The following PTPMT1 variants were observed in gnomAD, a reference collection of about 807,000 sequenced individuals.
PTPMT1 encodes phosphatidylglycerophosphatase and protein-tyrosine phosphatase 1.
PTPMT1 carries 12 observed loss-of-function variants against 17.8 expected under a neutral mutation model. That is an observed-to-expected ratio of 0.67 (90% CI 0.43 to 1.09). The LOEUF (loss-of-function observed/expected upper bound fraction) is 1.09. PTPMT1 is among the 50% of genes least tolerant of loss of function. PTPMT1 has a pLI of 0.00. For missense variants in PTPMT1, 262 were observed against 266.0 expected, an observed-to-expected ratio of 0.99 and a Z score of 0.10; for synonymous variants, 132 against 116.8, an observed-to-expected ratio of 1.13 and a Z score of -0.84.
At chr11:47,566,850 T>C (rs1345787017) in intron 2 of PTPMT1, among the ~76,000 whole-genome samples, 1 of 152,176 alleles carries the variant, frequency 6.6e-6, no homozygotes, top group African/African-American at 2.4e-5. Context: ...ACTCCAAAGT[T>C]CTCTCATAAC....
In PTPMT1 at chr11:47,569,821, A is replaced by G; in HGVS notation, c.377A>G (p.Gln126Arg). ...GCTCTCAAGTACCAGTCGCTGGGCC[A>G]GTGTGTTTACGTGCATTGTAAGGCT... Reference protein sequence around the residue: ...QFALKYQSLGQCVYVHCKAGR... With the variant: ...QFALKYQSLGRCVYVHCKAGR... Residue 126 changes from glutamine (Q) to arginine (R), a missense_variant, in exon 3 of 4, where the codon CAG becomes CGG. Transcript: ENST00000326674. 1 of 1,614,126 alleles carries G rather than the reference A, an allele frequency of 6.2e-7. No homozygotes were observed.
At chr11:47,571,104 C>A (rs1023099863) in intron 3 of PTPMT1, among the ~76,000 whole-genome samples, 6 of 152,270 alleles carry the variant, frequency 3.9e-5, no homozygotes, top group African/African-American at 1.4e-4. Context: ...ATTGCATACT[C>A]GTTCCTAGAA....
chr11:47,573,151 G>T lies in PTPMT1; in HGVS notation c.*1522G>T. ...AGCCGGGTGAAGCTGTCTAGCAAGG[G>T]ATTGTAGCACACCAGGGAGTCCCCT... On this transcript the variant is annotated 3_prime_UTR_variant, in exon 4 of 4. Coordinates refer to ENST00000326674, the MANE Select transcript of PTPMT1 (RefSeq NM_175732.3). This position sits in a 1 kb window ranked among gnomAD's most constrained non-coding sequence, Gnocchi z 4.1. 2.5e-6 allele frequency: 4 copies of T among 1,614,192 alleles called. No homozygotes were observed. The highest frequency in any genetic ancestry group is 3.4e-6 in the Non-Finnish European group (4 of 1,180,032).
rs200800213 is a variant in PTPMT1, at chr11:47,569,721, G to A, written c.277G>A (p.Glu93Lys). The A allele has an allele frequency of 4.6e-5, 74 of 1,612,352 alleles. No homozygotes were observed. The highest frequency in any genetic ancestry group is 1.6e-4 in the Middle Eastern group (1 of 6,062). The change falls in exon 3 of 4, where the codon GAG (glutamate) becomes AAG (lysine). Residue 93 changes from glutamate (E) to lysine (K), a missense_variant. Glu to Lys is a moderately conservative substitution (Grantham distance 56). Transcript: ENST00000326674. ...CCAGGAGTGGAAGAGACTAGGAGTC[G>A]AGCAGCTGCGGCTCAGCACAGTAGA... The part of the protein sequence containing the change: ...SSQEWKRLGV[E>K]QLRLSTVDMT...
chr11:47,565,822 C>T, intron 1 of PTPMT1, 26 bp downstream of exon 1: 7 of 1,589,916 alleles, frequency 4.4e-6, no homozygotes, highest in Non-Finnish European at 5.1e-6. Context: ...GAGCCCGGGC[C>T]CCTGCCCCGT....
intron 2 of PTPMT1, 64 bp from the exon 3 acceptor site, chr11:47,569,636 C>T (rs954763197): frequency 3.6e-5 from 49 of 1,368,394 alleles, no homozygotes; most frequent in Non-Finnish European, 4.5e-5. Flanking sequence ...TTGGGAGCCC[C>T]TTATCATCCC....
At chr11:47,567,126 G>A (rs1054055215) in intron 2 of PTPMT1, among the ~76,000 whole-genome samples, 1 of 152,272 alleles carries the variant, frequency 6.6e-6, no homozygotes, top group Middle Eastern at 3.4e-3. Flanking sequence ...TTGGCCAGGC[G>A]TGGTGGCTCT....
At position 47,573,043 on chromosome 11, in the gene PTPMT1, G is replaced by A. The variant is rs758265819; in HGVS notation, c.*1414G>A. The A allele has an allele frequency of 1.5e-5, 25 of 1,614,018 alleles. No individual in the cohort carries two copies. Among genetic ancestry groups the A allele is most frequent in the Non-Finnish European group, 2.1e-5 (25 of 1,180,022 alleles). Reference sequence around the variant, plus strand: ...GTGTTGGCATCCCCCTTTTTATATCGGTCCCGGAAGACATAGATGCTCCCG... The same window carrying A: ...GTGTTGGCATCCCCCTTTTTATATCAGTCCCGGAAGACATAGATGCTCCCG... On this transcript the variant is annotated 3_prime_UTR_variant, in exon 4 of 4. Coordinates refer to ENST00000326674, the MANE Select transcript of PTPMT1 (RefSeq NM_175732.3). This position sits in a 1 kb window ranked among gnomAD's most constrained non-coding sequence, Gnocchi z 4.1.
intron 3 of PTPMT1, 44 bp downstream of exon 3, chr11:47,569,935 TG>T (rs773113304): frequency 6.6e-7 from 1 of 1,514,932 alleles, no homozygotes; most frequent in Admixed American, 1.7e-5. Context: ...TACACACTTA[TG>T]ATCCCAGCAC....
In PTPMT1 at chr11:47,573,317, C is replaced by T. The variant is rs1395843913; in HGVS notation, c.*1688C>T. 1.9e-6 allele frequency: 3 copies of T among 1,614,166 alleles called. No homozygotes were observed. Among genetic ancestry groups the T allele is most frequent in the South Asian group, 1.1e-5 (1 of 91,082 alleles). On this transcript the variant is annotated 3_prime_UTR_variant, in exon 4 of 4. Transcript: ENST00000326674. This position sits in a 1 kb window ranked among gnomAD's most constrained non-coding sequence, Gnocchi z 4.1. The stretch of plus-strand genomic sequence containing the variant: ...GTCGGGAAGGTTTGGTAAAGAAGTC[C>T]AGATCATTCTCCTCCCCCCCTAGTA...
chr11:47,572,640 T>C lies in PTPMT1; in HGVS notation c.*1011T>C. ...CATTGATCAGGTAAAGAGGAGAGGC[T>C]GTGCCTAAGGTCTGAGAAAAGGCTT... On this transcript the variant is annotated 3_prime_UTR_variant, in exon 4 of 4. Transcript: ENST00000326674. 1 of 434,510 alleles carries C rather than the reference T, an allele frequency of 2.3e-6. No homozygotes were observed. Among genetic ancestry groups the C allele is most frequent in the Non-Finnish European group, 4.1e-6 (1 of 241,982 alleles). 26.9% of individuals were successfully genotyped at this position (434,510 alleles called of 1,614,324 possible). A position where few individuals can be genotyped will look rare whatever the true frequency, so the allele number is the denominator to read the frequency against.
chr11:47,571,540 C>T lies in PTPMT1; in HGVS notation c.517C>T (p.Pro173Ser), dbSNP rs201322249. The T allele has an allele frequency of 6.2e-7, 1 of 1,613,910 alleles. No homozygotes were observed. Among genetic ancestry groups the T allele is most frequent in the African/African-American group, 1.3e-5 (1 of 74,960 alleles). Reference protein sequence around the residue: ...AKIRSYIHIRPGQLDVLKEFH... With the variant: ...AKIRSYIHIRSGQLDVLKEFH... ...GATCCGGTCATACATCCACATCAGGCCTGGCCAGCTGGATGTTCTTAAAGA... is the reference window on the plus strand; with the variant it reads ...GATCCGGTCATACATCCACATCAGGTCTGGCCAGCTGGATGTTCTTAAAGA... Residue 173 changes from proline (P) to serine (S), a missense_variant, in exon 4 of 4, where the codon CCT (proline) becomes TCT (serine). Coordinates refer to ENST00000326674, the MANE Select transcript of PTPMT1 (RefSeq NM_175732.3).
In PTPMT1 at chr11:47,569,720, C is replaced by T. The variant is rs1428676655; in HGVS notation, c.276C>T (p.Val92=). Residue 92 remains valine, a synonymous_variant, in exon 3 of 4, where the codon GTC becomes GTT. Coordinates refer to ENST00000326674, the MANE Select transcript of PTPMT1 (RefSeq NM_175732.3). ...NSSQEWKRLG[V]EQLRLSTVDM... ...TCCAGGAGTGGAAGAGACTAGGAGTCGAGCAGCTGCGGCTCAGCACAGTAG... is the reference window on the plus strand; with the variant it reads ...TCCAGGAGTGGAAGAGACTAGGAGTTGAGCAGCTGCGGCTCAGCACAGTAG... The T allele has an allele frequency of 3.2e-5, 52 of 1,612,156 alleles. No individual in the cohort carries two copies. Among genetic ancestry groups the T allele is most frequent in the Non-Finnish European group, 3.9e-5 (46 of 1,179,162 alleles).
chr11:47,573,340 G>C lies in PTPMT1; in HGVS notation c.*1711G>C, dbSNP rs202025464. 1 of 1,614,202 alleles carries C rather than the reference G, an allele frequency of 6.2e-7. No individual in the cohort carries two copies. The highest frequency in any genetic ancestry group is 1.7e-5 in the Admixed American group (1 of 60,024). ...TCCAGATCATTCTCCTCCCCCCCTA[G>C]TAAGTAGATGATCCCGTTGAGGTTG... On this transcript the variant is annotated 3_prime_UTR_variant, in exon 4 of 4. Coordinates refer to ENST00000326674, the MANE Select transcript of PTPMT1 (RefSeq NM_175732.3). The surrounding 1 kb of genome is among the most constrained non-coding windows in gnomAD (Gnocchi z 4.1).
Position 47,572,705 on chromosome 11 carries a change from A to G in PTPMT1, c.*1076A>G. On this transcript the variant is annotated 3_prime_UTR_variant, in exon 4 of 4. Transcript: ENST00000326674. Reference sequence around the variant, plus strand: ...GTGGTGAGGCACAGGATGACTAGGGAATGGCAGAGAACAGGCTGGCCTACT... The same window carrying G: ...GTGGTGAGGCACAGGATGACTAGGGGATGGCAGAGAACAGGCTGGCCTACT... 1.8e-6 allele frequency: 1 copy of G among 567,862 alleles called. No homozygotes were observed. Among genetic ancestry groups the G allele is most frequent in the South Asian group, 2.3e-5 (1 of 43,104 alleles). 35.2% of individuals were successfully genotyped at this position (567,862 alleles called of 1,614,324 possible).
Position 47,572,877 on chromosome 11 carries a change from G to C in PTPMT1, c.*1248G>C. 1 of 1,559,832 alleles carries C rather than the reference G, an allele frequency of 6.4e-7. No individual in the cohort carries two copies. The highest frequency in any genetic ancestry group is 8.7e-7 in the Non-Finnish European group (1 of 1,151,796). On this transcript the variant is annotated 3_prime_UTR_variant, in exon 4 of 4. Transcript: ENST00000326674. ...TGAATTGGGGCCCAGGGGACTTTGAGTTTGTATGGGGAGGGAAAAGGAGTG... is the reference window on the plus strand; with the variant it reads ...TGAATTGGGGCCCAGGGGACTTTGACTTTGTATGGGGAGGGAAAAGGAGTG...
intron 2 of PTPMT1, among the ~76,000 whole-genome samples, chr11:47,569,079 A>G (rs2097248020): frequency 6.6e-6 from 1 of 152,098 alleles, no homozygotes; most frequent in Non-Finnish European, 1.5e-5. Flanking sequence ...TCAAGTACCC[A>G]AAGGGTAGTT....
intron 3 of PTPMT1, among the ~76,000 whole-genome samples, chr11:47,570,443 A>T (rs2097248971): frequency 6.6e-6 from 1 of 152,232 alleles, no homozygotes; most frequent in African/African-American, 2.4e-5. Context: ...TAAATGTATT[A>T]TGAAGTTTAA....
In PTPMT1 at chr11:47,571,770, CTTGTT is replaced by C. The variant is rs201772169; in HGVS notation, c.*149_*153del. 2,917 of 755,840 alleles carry C rather than the reference CTTGTT, an allele frequency of 3.9e-3. 70 individuals are homozygous for C. The African/African-American group carries it at 0.046, about 12-fold the overall frequency. The allele number at this position is 755,840 out of a possible 1,614,324, so 46.8% of individuals were successfully genotyped here. A position where few individuals can be genotyped will look rare whatever the true frequency, so the allele number is the denominator to read the frequency against. On this transcript the variant is annotated 3_prime_UTR_variant, in exon 4 of 4. Transcript: ENST00000326674. ...TAATAGGTAATTTTTCTTTCTCTGA[CTTGTT>C]TTGTTTTCTTGAAATAACACTGTTG...
Sources: allele counts gnomAD v4.1 joint callset (sites outside exome capture counted in the v4.1 genomes callset), GRCh38; gene constraint gnomAD v4.1.1; non-coding constraint Gnocchi (gnomAD v3.1); transcripts MANE v1.5; gene names NCBI Gene and HGNC (gene_info 2026-07-23, HGNC 2026-07-21).